The following RELN variants were observed in gnomAD, a reference collection of about 807,000 sequenced individuals.
RELN encodes the protein reelin.
Under a neutral mutation model 427.6 loss-of-function variants are expected in RELN, and 108 were observed. The ratio of observed to expected loss-of-function variants is 0.25; its 90% CI spans 0.22 to 0.30. The LOEUF is 0.30. Among genes scored for constraint, RELN ranks in the 10% least tolerant of loss-of-function variants. The probability of loss-of-function intolerance (pLI) is 1.00; values close to 1 mark genes in which losing one functional copy is unlikely to be tolerated. For synonymous variants in RELN, 1,524 were observed against 1,513.4 expected (o/e 1.01, Z -0.16); for missense variants, 3,715 against 4,302.8 (o/e 0.86, Z 3.82).
chr7:103,663,526 G>A (rs1000180161), intron 11 of RELN, among the ~76,000 whole-genome samples: 1 of 152,118 alleles, frequency 6.6e-6, no homozygotes, highest in African/African-American at 2.4e-5. Context: ...CTGGAAAGCA[G>A]CCTTTTCAAT....
chr7:103,515,538 C>A (rs986729698), intron 49 of RELN, 97 bp from the exon 50 acceptor site: 5 of 1,477,710 alleles, frequency 3.4e-6, no homozygotes, highest in Non-Finnish European at 4.7e-6. Context: ...TAATGTATGT[C>A]ACATGGTGGG....
chr7:103,672,098 C>A (rs555472973), intron 11 of RELN, among the ~76,000 whole-genome samples: 2 of 152,026 alleles, frequency 1.3e-5, no homozygotes, highest in African/African-American at 2.4e-5. Context: ...TTAAACTGTT[C>A]CGAAGAGCTC....
Position 103,880,648 on chromosome 7 carries a change from T to C in RELN, c.337+36427A>G, listed in dbSNP as rs187845092. On this transcript the variant is annotated intron_variant, in intron 2 of 64. Transcript: ENST00000428762. ...ATGCTTAACTTCTCTGAGTTTCAAT[T>C]TCCTCATCCAGAGGCCTAATAAGCA... Among the ~76,000 whole-genome samples, 29 of 152,282 alleles carry C rather than the reference T, an allele frequency of 1.9e-4. No homozygotes were observed. In the East Asian group the frequency reaches 5.0e-3, roughly 26 times the overall value.
chr7:103,759,130 C>T (rs1419167925), intron 4 of RELN, among the ~76,000 whole-genome samples: 2 of 151,822 alleles, frequency 1.3e-5, no homozygotes, highest in Non-Finnish European at 2.9e-5. Flanking sequence ...TATAGAACTT[C>T]TTTTTTAAAA....
chr7:103,975,250 T>C (rs2116828743), intron 1 of RELN, among the ~76,000 whole-genome samples: 1 of 152,312 alleles, frequency 6.6e-6, no homozygotes, highest in South Asian at 2.1e-4. Context: ...TAGACAGGGA[T>C]CCCAAGTGCT....
chr7:103,516,299 T>C (rs945615446), intron 49 of RELN, among the ~76,000 whole-genome samples: 1 of 149,436 alleles, frequency 6.7e-6, no homozygotes, highest in Non-Finnish European at 1.5e-5. Context: ...TTTTTTTTTT[T>C]TTTGAGACAG....
At chr7:103,963,726 GGAAA>G (rs1796608190) in intron 1 of RELN, among the ~76,000 whole-genome samples, 1 of 152,080 alleles carries the variant, frequency 6.6e-6, no homozygotes, top group African/African-American at 2.4e-5. Context: ...CAAACAGAAA[GGAAA>G]GAAAAAAATA....
chr7:103,529,598 G>A (rs913882686), intron 46 of RELN, among the ~76,000 whole-genome samples: 5 of 151,982 alleles, frequency 3.3e-5, no homozygotes, highest in Admixed American at 3.3e-4. Flanking sequence ...TAGGGGCTAT[G>A]AAACTGATGT....
chr7:103,850,930 T>C (rs567315251), intron 2 of RELN, among the ~76,000 whole-genome samples: 4 of 152,330 alleles, frequency 2.6e-5, no homozygotes, highest in African/African-American at 9.6e-5. Context: ...AGTGCAGAGA[T>C]TCCTTAAGGG....
At chr7:103,836,010 C>T (rs2116416327) in intron 2 of RELN, among the ~76,000 whole-genome samples, 1 of 150,364 alleles carries the variant, frequency 6.7e-6, no homozygotes, top group South Asian at 2.1e-4. Flanking sequence ...GGCTAGAGCG[C>T]AATGGTGCAA....
intron 36 of RELN, among the ~76,000 whole-genome samples, chr7:103,560,468 G>A (rs1182010374): frequency 2.6e-5 from 4 of 152,058 alleles, no homozygotes; most frequent in Non-Finnish European, 4.4e-5. Flanking sequence ...CTTGTTTAGA[G>A]GATCAAAAGA....
In RELN at chr7:103,571,372, C is replaced by T. The variant is rs558656583; in HGVS notation, c.4588+812G>A. 3.3e-5 allele frequency among the ~76,000 whole-genome samples: 5 copies of T among 152,308 alleles called. No homozygotes were observed. The South Asian group carries it at 8.3e-4, about 25-fold the overall frequency. On this transcript the variant is annotated intron_variant, in intron 31 of 64. Transcript: ENST00000428762. ...ATATCTGTAGAGCTCCCAGAGGCCA[C>T]CTATGCTTCAAGCCTTTTGCATTTC...
At chr7:103,792,320 T>A (rs1792184127) in intron 3 of RELN, among the ~76,000 whole-genome samples, 1 of 152,174 alleles carries the variant, frequency 6.6e-6, no homozygotes, top group African/African-American at 2.4e-5. Context: ...ACAACCTAAA[T>A]GTCTGTCCAC....
intron 2 of RELN, among the ~76,000 whole-genome samples, chr7:103,837,503 C>A (rs1273470913): frequency 6.6e-6 from 1 of 152,220 alleles, no homozygotes; most frequent in African/African-American, 2.4e-5. Context: ...GCTCTCCTCC[C>A]ACCCATCCTT....
intron 1 of RELN, among the ~76,000 whole-genome samples, chr7:103,984,712 G>A (rs1368288662): frequency 6.6e-6 from 1 of 152,086 alleles, no homozygotes; most frequent in African/African-American, 2.4e-5. Flanking sequence ...TAAGCAGGAC[G>A]CAGCTTCAGT....
At chr7:103,846,406 C>T (rs1793678514) in intron 2 of RELN, among the ~76,000 whole-genome samples, 1 of 152,272 alleles carries the variant, frequency 6.6e-6, no homozygotes, top group Admixed American at 6.5e-5. Context: ...CCCTTCCTTA[C>T]ACTTTATACA....
intron 3 of RELN, among the ~76,000 whole-genome samples, chr7:103,813,868 TAA>T (rs1308079769): frequency 2.0e-5 from 3 of 152,052 alleles, no homozygotes; most frequent in Non-Finnish European, 2.9e-5. Context: ...TTCTTTTATT[TAA>T]AGTTTTTCTT....
At chr7:103,911,844 G>A (rs1304796280) in intron 2 of RELN, among the ~76,000 whole-genome samples, 4 of 131,412 alleles carry the variant, frequency 3.0e-5, no homozygotes, top group Admixed American at 8.0e-5. Flanking sequence ...TCACACTCTG[G>A]GGACTGTGGT....
Position 103,497,828 on chromosome 7 carries a change from G to GT in RELN, c.8941dup (p.Thr2981AsnfsTer12), listed in dbSNP as rs1562852947. On this transcript the variant is annotated frameshift_variant, in exon 55 of 65. Transcript: ENST00000428762. LOFTEE classifies it high-confidence loss of function. ...TCACCCCTGACACATGCCTCCATCG[G>GT]TAGAGTAGTCCAACAGCACGCCTTC... The GT allele has an allele frequency of 6.2e-7, 1 of 1,613,928 alleles. No individual in the cohort carries two copies. Among genetic ancestry groups the GT allele is most frequent in the East Asian group, 2.2e-5 (1 of 44,880 alleles).
Sources: gnomAD v4.1 joint callset for allele counts (sites outside exome capture counted in the v4.1 genomes callset) on GRCh38, gnomAD v4.1.1 for gene constraint, MANE v1.5 for transcripts, NCBI Gene and HGNC (gene_info 2026-07-23, HGNC 2026-07-21) for gene names.